The following ZNF804B variants were observed in gnomAD, a reference collection of about 807,000 sequenced individuals.
ZNF804B encodes the protein zinc finger 804B.
In ZNF804B, 80 loss-of-function variants were observed where a neutral mutation model predicts 101.4. The ratio of observed to expected loss-of-function variants is 0.79; its 90% CI spans 0.66 to 0.95. ZNF804B has a LOEUF of 0.95. ZNF804B is among the 40% of genes least tolerant of loss of function. The pLI, the probability that ZNF804B is intolerant of heterozygous loss-of-function variation, is 0.00. For missense variants in ZNF804B, 1,673 were observed against 1,561.9 expected (o/e 1.07, Z -1.20); for synonymous variants, 622 against 558.8 (o/e 1.11, Z -1.59).
intron 1 of ZNF804B, among the ~76,000 whole-genome samples, chr7:89,096,999 C>G (rs1789980136): frequency 6.6e-6 from 1 of 152,162 alleles, no homozygotes; most frequent in Non-Finnish European, 1.5e-5. Context: ...TCCTTAATCT[C>G]TGCTTATCCA....
chr7:89,235,674 G>A (rs1169234238), intron 2 of ZNF804B, among the ~76,000 whole-genome samples: 1 of 151,876 alleles, frequency 6.6e-6, no homozygotes, highest in Admixed American at 6.6e-5. Context: ...TATTCTTTAG[G>A]ACAGTTTTTT....
intron 2 of ZNF804B, among the ~76,000 whole-genome samples, chr7:89,249,767 GA>G (rs898763787): frequency 6.6e-6 from 1 of 151,746 alleles, no homozygotes; most frequent in Non-Finnish European, 1.5e-5. Flanking sequence ...GGTAGCTGAA[GA>G]AAAAAAATAA....
At chr7:88,968,891 C>A (rs924379021) in intron 1 of ZNF804B, among the ~76,000 whole-genome samples, 2 of 151,558 alleles carry the variant, frequency 1.3e-5, no homozygotes, top group East Asian at 3.9e-4. Flanking sequence ...TTCTTGGACA[C>A]GTATCTTTTC....
At chr7:88,863,418 G>T (rs1723452155) in intron 1 of ZNF804B, among the ~76,000 whole-genome samples, 1 of 152,070 alleles carries the variant, frequency 6.6e-6, no homozygotes, top group Non-Finnish European at 1.5e-5. Flanking sequence ...TCATTGAACA[G>T]GTATTTATTG....
intron 2 of ZNF804B, among the ~76,000 whole-genome samples, chr7:89,226,746 A>C (rs905355721): frequency 1.3e-5 from 2 of 152,146 alleles, no homozygotes; most frequent in East Asian, 1.9e-4. Flanking sequence ...TGTGACTTGT[A>C]AATATTTTTC....
chr7:89,165,980 A>G (rs1180994306), intron 1 of ZNF804B, among the ~76,000 whole-genome samples: 1 of 152,100 alleles, frequency 6.6e-6, no homozygotes, highest in Non-Finnish European at 1.5e-5. Context: ...TGAAAATGAC[A>G]TTTTATTTGT....
chr7:88,908,505 T>G (rs1009897188), intron 1 of ZNF804B, among the ~76,000 whole-genome samples: 1 of 151,858 alleles, frequency 6.6e-6, no homozygotes, highest in Non-Finnish European at 1.5e-5. Context: ...GGTTTCAAAC[T>G]GACCAAAAAT....
Position 88,782,725 on chromosome 7 carries a change from A to G in ZNF804B, c.108+22641A>G, listed in dbSNP as rs959242731. ...TTAATATTAGCAGGGAGAACAAGGT[A>G]GTGTGAGAAATAAGAAATGGTGCTT... On this transcript the variant is annotated intron_variant, in intron 1 of 3. Coordinates refer to ENST00000333190, the MANE Select transcript of ZNF804B (RefSeq NM_181646.5). 2.2e-4 allele frequency among the ~76,000 whole-genome samples: 33 copies of G among 152,164 alleles called. 1 individual carries two copies. Among genetic ancestry groups the G allele is most frequent in the Non-Finnish European group, 2.9e-5 (2 of 68,022 alleles).
chr7:89,294,714 G>A (rs1444584310), intron 2 of ZNF804B, among the ~76,000 whole-genome samples: 1 of 151,072 alleles, frequency 6.6e-6, no homozygotes, highest in African/African-American at 2.4e-5. Context: ...TAAAATTTTA[G>A]GGCCTTAGTT....
chr7:88,854,414 C>CTTTCTTCCTTCCTTT (rs1791502231), intron 1 of ZNF804B, among the ~76,000 whole-genome samples: 2 of 57,076 alleles, frequency 3.5e-5, no homozygotes, highest in Non-Finnish European at 7.1e-5. Flanking sequence ...TTTCTTTCTT[C>CTTTCTTCCTTCCTTT]CTTTCTTTCT....
chr7:89,052,741 G>A (rs142351936), intron 1 of ZNF804B, among the ~76,000 whole-genome samples: 5 of 152,170 alleles, frequency 3.3e-5, no homozygotes, highest in East Asian at 3.9e-4. Context: ...TCAACAAAAC[G>A]TACTCACATT....
intron 1 of ZNF804B, among the ~76,000 whole-genome samples, chr7:89,098,645 C>T (rs181218621): frequency 6.6e-6 from 1 of 152,180 alleles, no homozygotes; most frequent in East Asian, 1.9e-4. Flanking sequence ...AAAAACAATG[C>T]TAAGGTTATA....
At chr7:89,150,798 T>G (rs1790864028) in intron 1 of ZNF804B, among the ~76,000 whole-genome samples, 1 of 152,062 alleles carries the variant, frequency 6.6e-6, no homozygotes, top group Non-Finnish European at 1.5e-5. Context: ...ACAGAGAGCT[T>G]GGCTGAGGCT....
At chr7:88,845,289 G>GCACACACACACA (rs1791353736) in intron 1 of ZNF804B, among the ~76,000 whole-genome samples, 2 of 115,844 alleles carry the variant, frequency 1.7e-5, no homozygotes, top group African/African-American at 7.7e-5. Context: ...GCACGCGCGC[G>GCACACACACACA]CGCACGCGCG....
At chr7:88,868,070 TG>T (rs1791761888) in intron 1 of ZNF804B, among the ~76,000 whole-genome samples, 2 of 151,922 alleles carry the variant, frequency 1.3e-5, no homozygotes, top group East Asian at 3.9e-4. Flanking sequence ...TGTGTGTGTG[TG>T]TGTGTGTGTG....
chr7:89,017,151 G>A (rs566813411), intron 1 of ZNF804B, among the ~76,000 whole-genome samples: 2 of 152,172 alleles, frequency 1.3e-5, no homozygotes, highest in Non-Finnish European at 2.9e-5. Flanking sequence ...TGCTATTGGT[G>A]TATAAGAATG....
intron 1 of ZNF804B, among the ~76,000 whole-genome samples, chr7:88,882,173 A>C (rs1792052144): frequency 6.6e-6 from 1 of 152,128 alleles, no homozygotes; most frequent in Non-Finnish European, 1.5e-5. Context: ...TTTTAGAATT[A>C]ACAATGGTGC....
intron 1 of ZNF804B, among the ~76,000 whole-genome samples, chr7:89,167,795 T>C (rs1164081688): frequency 6.6e-6 from 1 of 152,090 alleles, no homozygotes; most frequent in African/African-American, 2.4e-5. Flanking sequence ...GAGGTCCAAA[T>C]GGTGATTGTT....
Position 88,938,033 on chromosome 7 carries a change from A to T in ZNF804B, c.108+177949A>T, listed in dbSNP as rs1164282158. ...CAGATTGGTTTTATACATTTTAGAG[A>T]GCATGAGACATCAGTCAAATACACT... On this transcript the variant is annotated intron_variant, in intron 1 of 3. Transcript: ENST00000333190. Among the ~76,000 whole-genome samples, 4 of 152,008 alleles carry T rather than the reference A, an allele frequency of 2.6e-5. No homozygotes were observed. In the East Asian group the frequency reaches 7.7e-4, roughly 29 times the overall value.
Sources: allele counts gnomAD v4.1 joint callset (sites outside exome capture counted in the v4.1 genomes callset), GRCh38; gene constraint gnomAD v4.1.1; transcripts MANE v1.5; gene names NCBI Gene and HGNC (gene_info 2026-07-23, HGNC 2026-07-21).